ZC3H12B: variants seen among roughly 807,000 people sequenced by gnomAD.
The protein encoded by ZC3H12B is probable ribonuclease ZC3H12B.
A neutral mutation model predicts 43.9 loss-of-function variants in ZC3H12B; 7 were observed. The ratio of observed to expected loss-of-function variants is 0.16; its 90% CI spans 0.09 to 0.30. The LOEUF (loss-of-function observed/expected upper bound fraction) is 0.30, where lower values mean the gene tolerates loss of function less well. Among genes scored for constraint, ZC3H12B ranks in the 10% least tolerant of loss-of-function variants. The pLI is 1.00. For synonymous variants in ZC3H12B, 222 were observed against 241.7 expected, an observed-to-expected ratio of 0.92 and a Z score of 0.76; for missense variants, 475 against 670.2, an observed-to-expected ratio of 0.71 and a Z score of 3.22.
intron 1 of ZC3H12B, among the ~76,000 whole-genome samples, chrX:65,367,302 TG>T (rs1392089628): frequency 9.0e-6 from 1 of 111,670 alleles, no homozygotes; most frequent in Non-Finnish European, 1.9e-5. Context: ...TTTGCTAGTA[TG>T]GCCAGCTCAA....
the ZC3H12B span, chrX:65,328,034 C>T: frequency 3.8e-6 from 1 of 265,449 alleles, no homozygotes; most frequent in South Asian, 5.4e-5. Context: ...TTGATAATTG[C>T]TGGTACTAAA....
the ZC3H12B span, among the ~76,000 whole-genome samples, chrX:65,120,484 T>C: frequency 8.9e-6 from 1 of 111,863 alleles, no homozygotes; most frequent in South Asian, 3.8e-4. Context: ...TTCTGATTTT[T>C]TGCATGTTGA....
At chrX:65,424,609 T>C (rs2067058378) in intron 3 of ZC3H12B, among the ~76,000 whole-genome samples, 1 of 112,530 alleles carries the variant, frequency 8.9e-6, no homozygotes, top group Non-Finnish European at 1.9e-5. Context: ...GATTTTACAT[T>C]TAAGTATTTA....
the ZC3H12B span, among the ~76,000 whole-genome samples, chrX:65,115,362 G>A: frequency 9.1e-6 from 1 of 110,057 alleles, no homozygotes; most frequent in Non-Finnish European, 1.9e-5. Flanking sequence ...TTCCATGCAG[G>A]TTGCTGTGAA....
At chrX:65,407,959 G>T (rs1484611792) in intron 3 of ZC3H12B, 1 of 847,822 alleles carries the variant, frequency 1.2e-6, no homozygotes, top group Admixed American at 3.7e-5. Flanking sequence ...GCCTGCGTGC[G>T]TGGCCACCTC....
At chrX:65,260,379 G>A in the ZC3H12B span, among the ~76,000 whole-genome samples, 2 of 110,858 alleles carry the variant, frequency 1.8e-5, no homozygotes, top group Admixed American at 9.7e-5. Flanking sequence ...TTAGAATGGG[G>A]TTGTATTCTT....
At chrX:65,355,765 G>A in the ZC3H12B span, among the ~76,000 whole-genome samples, 2 of 111,105 alleles carry the variant, frequency 1.8e-5, no homozygotes, top group African/African-American at 3.3e-5. Flanking sequence ...GACCAGCCTG[G>A]CCAACATGGT....
chrX:65,426,832 G>C (rs976278504), intron 3 of ZC3H12B, among the ~76,000 whole-genome samples: 2 of 111,962 alleles, frequency 1.8e-5, no homozygotes, highest in African/African-American at 6.5e-5. Flanking sequence ...TGGTCTGAGA[G>C]ACTGTTATGA....
chrX:65,315,126 C>G, the ZC3H12B span, among the ~76,000 whole-genome samples: 2 of 110,956 alleles, frequency 1.8e-5, no homozygotes, highest in African/African-American at 6.5e-5. Flanking sequence ...AATGGCAGCT[C>G]TAAATTCAGA....
chrX:65,385,165 G>GT (rs1055545549), intron 2 of ZC3H12B, among the ~76,000 whole-genome samples: 2 of 112,234 alleles, frequency 1.8e-5, no homozygotes, highest in East Asian at 2.8e-4. Context: ...CTTTAAAGTA[G>GT]TTTTTTCCAA....
At chrX:65,502,832 A>C in exon 5 of ZC3H12B, 1 of 1,210,192 alleles carries the variant, frequency 8.3e-7, no homozygotes, top group South Asian at 1.8e-5. Flanking sequence ...CCTCTATGAG[A>C]GCAACCCCGT....
the ZC3H12B span, among the ~76,000 whole-genome samples, chrX:65,345,707 A>T: frequency 8.9e-6 from 1 of 111,751 alleles, no homozygotes; most frequent in Admixed American, 9.6e-5. Context: ...AAAATAAATA[A>T]AGTTTAAGCA....
the ZC3H12B span, among the ~76,000 whole-genome samples, chrX:65,222,872 G>GA: frequency 1.1e-4 from 12 of 107,718 alleles, no homozygotes; most frequent in Admixed American, 5.0e-4. Flanking sequence ...TACAGAACTA[G>GA]AAAAAAAAAT....
chrX:65,288,350 G>GA, the ZC3H12B span, among the ~76,000 whole-genome samples: 1 of 110,637 alleles, frequency 9.0e-6, no homozygotes, highest in Non-Finnish European at 1.9e-5. Flanking sequence ...AAGGACACAA[G>GA]AAAAAAAGAA....
the ZC3H12B span, among the ~76,000 whole-genome samples, chrX:65,176,909 C>T: frequency 1.5e-4 from 17 of 111,981 alleles, no homozygotes; most frequent in African/African-American, 5.5e-4. Flanking sequence ...AAAGGAGGGA[C>T]TCCTCCATAA....
the ZC3H12B span, among the ~76,000 whole-genome samples, chrX:65,192,700 C>G: frequency 1.3e-4 from 14 of 111,305 alleles, no homozygotes; most frequent in Non-Finnish European, 2.1e-4. Flanking sequence ...ATAAATCCCA[C>G]TTGGTCATGA....
chrX:65,088,233 A>G, the ZC3H12B span, among the ~76,000 whole-genome samples: 2 of 111,462 alleles, frequency 1.8e-5, no homozygotes. Context: ...CTATGATAGT[A>G]CTCTCAAAAG....
chrX:65,467,412 T>C (rs1010785754), intron 3 of ZC3H12B, among the ~76,000 whole-genome samples: 2 of 111,807 alleles, frequency 1.8e-5, no homozygotes, highest in African/African-American at 6.5e-5. Context: ...GTGATAAACA[T>C]ACATGTGCAG....
At chrX:65,269,749 C>G in the ZC3H12B span, among the ~76,000 whole-genome samples, 1 of 110,170 alleles carries the variant, frequency 9.1e-6, no homozygotes, top group Non-Finnish European at 1.9e-5. Flanking sequence ...GTTCTCCTGT[C>G]TCAGCCTCCC....
Sources: gnomAD v4.1 joint callset for allele counts (sites outside exome capture counted in the v4.1 genomes callset) on GRCh38, gnomAD v4.1.1 for gene constraint, MANE v1.5 for transcripts, NCBI Gene and HGNC (gene_info 2026-07-23, HGNC 2026-07-21) for gene names.